Variants in CSNK2A2 observed in about 807,000 individuals in gnomAD.
The protein encoded by CSNK2A2 is casein kinase II subunit alpha'.
CSNK2A2 carries 8 observed loss-of-function variants against 54.0 expected under a neutral mutation model. The observed-to-expected ratio is 0.15, with a 90% CI of 0.09 to 0.27. CSNK2A2 has a LOEUF of 0.27. Among genes scored for constraint, CSNK2A2 ranks in the 10% least tolerant of loss-of-function variants. The pLI, the probability that CSNK2A2 is intolerant of heterozygous loss-of-function variation, is 1.00. For missense variants in CSNK2A2, 242 were observed against 439.4 expected (o/e 0.55, Z 4.02); for synonymous variants, 141 against 153.9 (o/e 0.92, Z 0.62).
At chr16:58,181,829 T>C (rs1051149808) in intron 4 of CSNK2A2, among the ~76,000 whole-genome samples, 5 of 151,944 alleles carry the variant, frequency 3.3e-5, no homozygotes, top group Non-Finnish European at 2.9e-5. Context: ...AAGGGACCCA[T>C]ACGAAGGCAC....
chr16:58,181,549 C>G (rs993790731), intron 4 of CSNK2A2, among the ~76,000 whole-genome samples: 10 of 151,954 alleles, frequency 6.6e-5, no homozygotes, highest in Admixed American at 4.6e-4. Context: ...AAAACTCACA[C>G]ACAAAGAAAA....
chr16:58,174,207 A>G, intron 5 of CSNK2A2: 1 of 360,922 alleles, frequency 2.8e-6, no homozygotes, highest in Non-Finnish European at 4.9e-6. Flanking sequence ...GACCAACAAG[A>G]GCTATGGGAG....
In CSNK2A2 at chr16:58,166,548, G is replaced by A. The variant is rs1032320979; in HGVS notation, c.827+36C>T. The A allele has an allele frequency of 2.8e-6, 4 of 1,430,226 alleles. No homozygotes were observed. The African/African-American group carries it at 4.2e-5, about 15-fold the overall frequency. The allele number at this position is 1,430,226 out of a possible 1,614,324, so 88.6% of individuals were successfully genotyped here. On this transcript the variant is annotated intron_variant, in intron 9 of 11. Coordinates refer to ENST00000262506, the MANE Select transcript of CSNK2A2 (RefSeq NM_001896.4). ...CTAACCTTTCCACTTCTGAAACGGG[G>A]TAAGGTAAAGCACTCTCTCTCTCTC...
intron 4 of CSNK2A2, among the ~76,000 whole-genome samples, chr16:58,175,822 C>A (rs1246673248): frequency 6.6e-6 from 1 of 152,152 alleles, no homozygotes; most frequent in Admixed American, 6.5e-5. Flanking sequence ...TTTCATCAAC[C>A]TCAGGGCAGC....
chr16:58,189,155 C>T (rs1962266035), intron 2 of CSNK2A2, among the ~76,000 whole-genome samples: 1 of 151,970 alleles, frequency 6.6e-6, no homozygotes, highest in Admixed American at 6.6e-5. Flanking sequence ...GACGGGGTCT[C>T]ACCATGTTGG....
chr16:58,173,033 G>T (rs1016645834), intron 5 of CSNK2A2, among the ~76,000 whole-genome samples: 1 of 152,192 alleles, frequency 6.6e-6, no homozygotes, highest in Non-Finnish European at 1.5e-5. Flanking sequence ...AACCAACTGT[G>T]AGATCTGAAT....
chr16:58,179,389 T>C (rs1961966235), intron 4 of CSNK2A2, among the ~76,000 whole-genome samples: 1 of 151,772 alleles, frequency 6.6e-6, no homozygotes, highest in Non-Finnish European at 1.5e-5. Flanking sequence ...TAGTCCCAGC[T>C]ACTCAGGAGC....
At chr16:58,189,667 G>A (rs150044913) in intron 2 of CSNK2A2, among the ~76,000 whole-genome samples, 2 of 152,266 alleles carry the variant, frequency 1.3e-5, no homozygotes, top group East Asian at 3.9e-4. Context: ...CCAAACTAGA[G>A]ACTGGGAATA....
rs530135235 is a variant in CSNK2A2, at chr16:58,182,719, A to G, written c.369+1541T>C. Among the ~76,000 whole-genome samples the G allele has an allele frequency of 4.6e-5, 7 of 152,274 alleles. No individual in the cohort carries two copies. The South Asian group carries it at 1.5e-3, about 32-fold the overall frequency. ...AGGTTTCAACTTTTGCATTAGGAAA[A>G]TATTTGGTTTCATTAAAGCCTATCT... On this transcript the variant is annotated intron_variant, in intron 4 of 11. Transcript: ENST00000262506.
chr16:58,170,824 A>C (rs1961714278), intron 5 of CSNK2A2, among the ~76,000 whole-genome samples: 1 of 152,072 alleles, frequency 6.6e-6, no homozygotes, highest in African/African-American at 2.4e-5. Flanking sequence ...TTAGATTGTT[A>C]AGCTCCATTT....
At chr16:58,168,740 T>A (rs985246920) in intron 5 of CSNK2A2, 47 bp from the exon 6 acceptor site, 1 of 1,397,458 alleles carries the variant, frequency 7.2e-7, no homozygotes, top group Non-Finnish European at 1.0e-6. Flanking sequence ...CCCTCTACCA[T>A]CCCCCAACGC....
Position 58,184,242 on chromosome 16 carries a change from A to G in CSNK2A2, c.369+18T>C, listed in dbSNP as rs1437886732. ...CCTCACCCCGTTAACCCCATGCCAGAAAGAAAAGCATACGCACCTTAAAAT... is the reference window on the plus strand; with the variant it reads ...CCTCACCCCGTTAACCCCATGCCAGGAAGAAAAGCATACGCACCTTAAAAT... On this transcript the variant is annotated intron_variant, in intron 4 of 11. Transcript: ENST00000262506. 6.3e-7 allele frequency: 1 copy of G among 1,594,656 alleles called. No homozygotes were observed. Among genetic ancestry groups the G allele is most frequent in the African/African-American group, 1.3e-5 (1 of 74,282 alleles).
intron 5 of CSNK2A2, among the ~76,000 whole-genome samples, chr16:58,170,094 T>C (rs1339027889): frequency 6.6e-6 from 1 of 152,212 alleles, no homozygotes; most frequent in Non-Finnish European, 1.5e-5. Flanking sequence ...TTGCTTTGTT[T>C]AAGATGATTG....
At chr16:58,173,366 A>G (rs1961791644) in intron 5 of CSNK2A2, among the ~76,000 whole-genome samples, 1 of 152,232 alleles carries the variant, frequency 6.6e-6, no homozygotes, top group African/African-American at 2.4e-5. Flanking sequence ...CTTAAGATCT[A>G]CAACTACCCT....
Position 58,198,086 on chromosome 16 carries a change from A to G in CSNK2A2, c.-350T>C, listed in dbSNP as rs1410930761. On this transcript the variant is annotated 5_prime_UTR_variant, in exon 1 of 12. Coordinates refer to ENST00000262506, the MANE Select transcript of CSNK2A2 (RefSeq NM_001896.4). The stretch of plus-strand genomic sequence containing the variant: ...CCGGGAAAGGGGCAGCGGCGGCGGC[A>G]GCGGAGAAGAAGGAGGAGAGGAGGA... Among the ~76,000 whole-genome samples the G allele has an allele frequency of 2.7e-5, 4 of 145,650 alleles. No homozygotes were observed. Among genetic ancestry groups the G allele is most frequent in the African/African-American group, 9.9e-5 (4 of 40,534 alleles).
chr16:58,187,317 G>A (rs1355090987), intron 2 of CSNK2A2, among the ~76,000 whole-genome samples: 2 of 151,984 alleles, frequency 1.3e-5, no homozygotes, highest in Non-Finnish European at 2.9e-5. Context: ...CTGACATCAG[G>A]TTACAAACTT....
intron 11 of CSNK2A2, chr16:58,163,288 C>CA (rs941794989): frequency 6.4e-5 from 7 of 109,132 alleles, no homozygotes; most frequent in African/African-American, 2.4e-4. Context: ...GAAAAAGCAA[C>CA]AAAAAAATAG....
At chr16:58,192,102 C>T (rs1207461955) in intron 2 of CSNK2A2, among the ~76,000 whole-genome samples, 1 of 152,162 alleles carries the variant, frequency 6.6e-6, no homozygotes, top group African/African-American at 2.4e-5. Context: ...CCTAACAATC[C>T]TGTGACTTAA....
In CSNK2A2 at chr16:58,194,085, T is replaced by C. The variant is rs538192566; in HGVS notation, c.216+2648A>G. On this transcript the variant is annotated intron_variant, in intron 2 of 11. Coordinates refer to ENST00000262506, the MANE Select transcript of CSNK2A2 (RefSeq NM_001896.4). ...GCAAAGAACTGATACGAAACGTTAC[T>C]GACTACAAAAGTAAGACCACTTGTC... Among the ~76,000 whole-genome samples the C allele has an allele frequency of 5.1e-4, 77 of 152,362 alleles. 1 individual carries two copies. In the South Asian group the frequency reaches 0.016, roughly 31 times the overall value.
Sources: allele counts gnomAD v4.1 joint callset (sites outside exome capture counted in the v4.1 genomes callset), GRCh38; gene constraint gnomAD v4.1.1; transcripts MANE v1.5; gene names NCBI Gene and HGNC (gene_info 2026-07-23, HGNC 2026-07-21).